SGCZ: variants seen among roughly 807,000 people sequenced by gnomAD.
SGCZ encodes sarcoglycan zeta, also known as zeta-sarcoglycan.
Under a neutral mutation model 41.3 loss-of-function variants are expected in SGCZ, and 40 were observed. The ratio of observed to expected loss-of-function variants is 0.97; its 90% CI spans 0.75 to 1.26. The LOEUF (loss-of-function observed/expected upper bound fraction) is 1.26, where lower values mean the gene tolerates loss of function less well. Among genes scored for constraint, SGCZ ranks in the 50% most tolerant of loss-of-function variants. SGCZ has a pLI of 0.00. For synonymous variants in SGCZ, 206 were observed against 137.5 expected (o/e 1.50, Z -3.49); for missense variants, 552 against 369.8 (o/e 1.49, Z -4.04).
intron 1 of SGCZ, among the ~76,000 whole-genome samples, chr8:14,770,692 A>G (rs1041648947): frequency 6.6e-6 from 1 of 152,142 alleles, no homozygotes; most frequent in South Asian, 2.1e-4. Flanking sequence ...CCTGTATAGT[A>G]TGCCATAAAG....
chr8:15,173,318 T>C (rs183207584), intron 1 of SGCZ, among the ~76,000 whole-genome samples: 1 of 152,312 alleles, frequency 6.6e-6, no homozygotes, highest in Non-Finnish European at 1.5e-5. Context: ...TCGTGCAATT[T>C]TGAAACACTG....
At chr8:15,141,378 G>A (rs1415557799) in intron 1 of SGCZ, among the ~76,000 whole-genome samples, 2 of 152,196 alleles carry the variant, frequency 1.3e-5, no homozygotes, top group African/African-American at 4.8e-5. Flanking sequence ...AAATTCTTAG[G>A]GCGTCAGCCA....
At chr8:14,639,133 C>A (rs537468412) in intron 1 of SGCZ, among the ~76,000 whole-genome samples, 5 of 148,506 alleles carry the variant, frequency 3.4e-5, no homozygotes, top group African/African-American at 9.9e-5. Context: ...TGTAACCTTG[C>A]CTCCCAGGTT....
At chr8:14,584,815 A>G (rs1028934082) in intron 1 of SGCZ, among the ~76,000 whole-genome samples, 1 of 152,118 alleles carries the variant, frequency 6.6e-6, no homozygotes, top group Non-Finnish European at 1.5e-5. Flanking sequence ...TAGCACATAC[A>G]GTATTCACTG....
intron 4 of SGCZ, among the ~76,000 whole-genome samples, chr8:14,232,870 G>A (rs7829082): frequency 0.031 from 4,768 of 152,020 alleles, 273 homozygotes; most frequent in African/African-American, 0.11. Context: ...ATAAGACTGT[G>A]GTTTTAAGCA....
chr8:14,105,921 A>G (rs1015143818), intron 6 of SGCZ, among the ~76,000 whole-genome samples: 17 of 152,174 alleles, frequency 1.1e-4, no homozygotes, highest in African/African-American at 2.7e-4. Context: ...TTCTTTAAGT[A>G]TAAATTTAAG....
At chr8:14,328,729 T>A (rs1802211230) in intron 2 of SGCZ, among the ~76,000 whole-genome samples, 1 of 152,164 alleles carries the variant, frequency 6.6e-6, no homozygotes, top group Non-Finnish European at 1.5e-5. Context: ...TTCAAATGTG[T>A]CCCCTCTAAA....
chr8:14,149,717 T>G (rs978441311), intron 5 of SGCZ, among the ~76,000 whole-genome samples: 54 of 149,536 alleles, frequency 3.6e-4, no homozygotes, highest in African/African-American at 1.2e-3. Flanking sequence ...CCAGGATAGC[T>G]AAAGTTATCC....
intron 2 of SGCZ, among the ~76,000 whole-genome samples, chr8:14,428,999 T>C (rs945368657): frequency 2.6e-5 from 4 of 152,176 alleles, no homozygotes; most frequent in Non-Finnish European, 5.9e-5. Flanking sequence ...ATTTTACTTC[T>C]AAAACAGCTG....
chr8:15,220,604 T>G lies in SGCZ; in HGVS notation c.39+16981A>C, dbSNP rs534169452. On this transcript the variant is annotated intron_variant, in intron 1 of 7. Transcript: ENST00000382080. Reference sequence around the variant, plus strand: ...TTCAACCATTGTGGAAGACAGTGTGTCGATTCCTCAAGGATCTAGAACTGG... The same window carrying G: ...TTCAACCATTGTGGAAGACAGTGTGGCGATTCCTCAAGGATCTAGAACTGG... Among the ~76,000 whole-genome samples the G allele has an allele frequency of 7.9e-5, 12 of 152,234 alleles. No individual in the cohort carries two copies. The East Asian group carries it at 2.1e-3, about 27-fold the overall frequency.
At chr8:14,307,203 CTTA>C (rs1801378415) in intron 3 of SGCZ, among the ~76,000 whole-genome samples, 1 of 152,114 alleles carries the variant, frequency 6.6e-6, no homozygotes, top group African/African-American at 2.4e-5. Flanking sequence ...GACTTTTCCT[CTTA>C]TTGTTACCTT....
chr8:14,761,341 G>A (rs913598707), intron 1 of SGCZ, among the ~76,000 whole-genome samples: 13 of 151,730 alleles, frequency 8.6e-5, no homozygotes, highest in African/African-American at 2.9e-4. Context: ...TGAGCTACTC[G>A]CTAAGGATAC....
intron 5 of SGCZ, among the ~76,000 whole-genome samples, chr8:14,127,649 G>A (rs1399405124): frequency 6.6e-6 from 1 of 152,028 alleles, no homozygotes; most frequent in East Asian, 1.9e-4. Flanking sequence ...GTAGAGACAT[G>A]GTTTCACCGT....
chr8:14,619,784 T>A (rs1028243287), intron 1 of SGCZ, among the ~76,000 whole-genome samples: 1 of 151,908 alleles, frequency 6.6e-6, no homozygotes, highest in Non-Finnish European at 1.5e-5. Context: ...CTCAACGAAA[T>A]AAAAGAGGAC....
intron 2 of SGCZ, among the ~76,000 whole-genome samples, chr8:14,432,714 G>C (rs1303304218): frequency 1.3e-5 from 2 of 152,034 alleles, no homozygotes; most frequent in African/African-American, 2.4e-5. Context: ...GGGAGTTCGA[G>C]ACCAGCCTGG....
chr8:14,416,155 T>C (rs1298266231), intron 2 of SGCZ, among the ~76,000 whole-genome samples: 1 of 151,892 alleles, frequency 6.6e-6, no homozygotes, highest in African/African-American at 2.4e-5. Context: ...CATGCATGTG[T>C]GTGCACACGC....
At chr8:14,135,050 G>C (rs1803155994) in intron 5 of SGCZ, among the ~76,000 whole-genome samples, 2 of 152,104 alleles carry the variant, frequency 1.3e-5, no homozygotes, top group African/African-American at 4.8e-5. Flanking sequence ...GGTCAAAATT[G>C]CTTAAAATAT....
chr8:15,135,785 T>C (rs532507828), intron 1 of SGCZ, among the ~76,000 whole-genome samples: 19 of 152,158 alleles, frequency 1.2e-4, no homozygotes, highest in African/African-American at 4.3e-4. Context: ...GGTGAGCTGG[T>C]GGGGTTAGAC....
chr8:14,621,485 A>AAAAAT (rs952538249), intron 1 of SGCZ, among the ~76,000 whole-genome samples: 3 of 152,130 alleles, frequency 2.0e-5, no homozygotes, highest in Middle Eastern at 3.4e-3. Context: ...CAAAAAAAAT[A>AAAAAT]AAAATAAAAT....
Sources: allele counts gnomAD v4.1 joint callset (sites outside exome capture counted in the v4.1 genomes callset), GRCh38; gene constraint gnomAD v4.1.1; transcripts MANE v1.5; gene names NCBI Gene and HGNC (gene_info 2026-07-23, HGNC 2026-07-21).